NLRP14: variants seen among roughly 807,000 people sequenced by gnomAD.
The protein encoded by NLRP14 is NACHT, LRR and PYD domains-containing protein 14.
Under a neutral mutation model 94.7 loss-of-function variants are expected in NLRP14, and 105 were observed. The ratio of observed to expected loss-of-function variants is 1.11; its 90% CI spans 0.95 to 1.30. NLRP14 has a LOEUF of 1.30. NLRP14 is among the 50% of genes most tolerant of loss of function. The probability of loss-of-function intolerance (pLI) is 0.00; values close to 1 mark genes in which losing one functional copy is unlikely to be tolerated. For synonymous variants in NLRP14, 508 were observed against 459.9 expected, an observed-to-expected ratio of 1.10 and a Z score of -1.34; for missense variants, 1,362 against 1,254.1, an observed-to-expected ratio of 1.09 and a Z score of -1.30.
the NLRP14 span, chr11:7,089,191 T>G: frequency 1.2e-6 from 2 of 1,613,898 alleles, no homozygotes; most frequent in Non-Finnish European, 1.7e-6. Flanking sequence ...GAGAAAGCCC[T>G]CGAAGCCGAG....
rs757452487 is a variant in NLRP14, at chr11:7,062,435, G to A, written c.2907G>A (p.Leu969=). 1 of 1,613,274 alleles carries A rather than the reference G, an allele frequency of 6.2e-7. No individual in the cohort carries two copies. Among genetic ancestry groups the A allele is most frequent in the Non-Finnish European group, 8.5e-7 (1 of 1,179,412 alleles). ...LRSLDLGNND[L]QDDGVKILCD... ...GCCTGGACCTTGGGAACAACGATTT[G>A]CAGGATGATGGAGTGAAAATTCTGT... The change falls in exon 10 of 12, where the codon TTG becomes TTA. Residue 969 remains leucine (L), a synonymous_variant. Coordinates refer to ENST00000299481, the MANE Select transcript of NLRP14 (RefSeq NM_176822.4).
In NLRP14 at chr11:7,043,501, A is replaced by G. The variant is rs199812247; in HGVS notation, c.1475A>G (p.Tyr492Cys). Residue 492 changes from tyrosine to cysteine, a missense_variant, in exon 4 of 12, where the codon TAT (tyrosine) becomes TGT (cysteine). Physicochemically the swap from Tyr to Cys is radical, Grantham distance 194. Transcript: ENST00000299481. ...HVQEFFAAMF[Y>C]MLKGSWEAGN... ...CAGGAGTTTTTTGCAGCTATGTTCTATATGTTGAAAGGCAGTTGGGAAGCT... is the reference window on the plus strand; with the variant it reads ...CAGGAGTTTTTTGCAGCTATGTTCTGTATGTTGAAAGGCAGTTGGGAAGCT... The G allele has an allele frequency of 1.5e-5, 25 of 1,614,018 alleles. No homozygotes were observed. Among genetic ancestry groups the G allele is most frequent in the Non-Finnish European group, 1.9e-5 (23 of 1,180,040 alleles).
At chr11:7,031,896 C>T (rs1852103442) in intron 1 of NLRP14, among the ~76,000 whole-genome samples, 1 of 152,192 alleles carries the variant, frequency 6.6e-6, no homozygotes, top group South Asian at 2.1e-4. Context: ...AGTAAGGTAG[C>T]ACATGCTTGC....
chr11:7,067,990 C>T (rs1852731464), intron 10 of NLRP14, among the ~76,000 whole-genome samples: 1 of 151,680 alleles, frequency 6.6e-6, no homozygotes, highest in African/African-American at 2.4e-5. Context: ...TAGGTTTTCT[C>T]TTTCTCATAG....
the NLRP14 span, among the ~76,000 whole-genome samples, chr11:7,080,694 T>G: frequency 1.3e-5 from 2 of 152,182 alleles, no homozygotes; most frequent in African/African-American, 2.4e-5. Flanking sequence ...ATTCAAATGT[T>G]ATATGTTAAA....
chr11:7,039,310 A>G (rs1195479009), intron 2 of NLRP14, among the ~76,000 whole-genome samples: 1 of 152,126 alleles, frequency 6.6e-6, no homozygotes, highest in Non-Finnish European at 1.5e-5. Flanking sequence ...CAGGTATGAA[A>G]TATTATAGAC....
chr11:7,058,446 C>T lies in NLRP14; in HGVS notation c.2629C>T (p.Leu877Phe). ...LQHAQCTLKS[L>F]VLRRCHFTSL... ...ACATGCACAATGTACTCTGAAGAGC[C>T]TTGTGTAAGTGTCTTCAAGTTTTTA... Residue 877 changes from leucine (L) to phenylalanine (F), a missense_variant, in exon 8 of 12, where the codon CTT becomes TTT. Transcript: ENST00000299481. 1 of 1,608,800 alleles carries T rather than the reference C, an allele frequency of 6.2e-7. No homozygotes were observed.
At chr11:7,051,842 C>T (rs888192077) in intron 6 of NLRP14, among the ~76,000 whole-genome samples, 6 of 152,112 alleles carry the variant, frequency 3.9e-5, no homozygotes, top group African/African-American at 1.2e-4. Context: ...AGGATGGTCT[C>T]GATCTCCTGA....
the NLRP14 span, among the ~76,000 whole-genome samples, chr11:7,080,723 T>C: frequency 1.3e-5 from 2 of 152,042 alleles, no homozygotes; most frequent in Non-Finnish European, 1.5e-5. Flanking sequence ...AAAAGCAAAA[T>C]AATATTTATC....
intron 1 of NLRP14, among the ~76,000 whole-genome samples, chr11:7,032,457 G>T (rs924229677): frequency 2.0e-5 from 3 of 151,748 alleles, no homozygotes; most frequent in Middle Eastern, 3.2e-3. Context: ...TTTTTCAGTG[G>T]ATGATTTCCC....
At chr11:7,057,649 A>G (rs1054449261) in intron 6 of NLRP14, 28 bp from the exon 7 acceptor site, 1 of 1,606,676 alleles carries the variant, frequency 6.2e-7, no homozygotes, top group Non-Finnish European at 8.5e-7. Flanking sequence ...AGGAGTGGTC[A>G]TTCCTGCTTT....
At position 7,043,365 on chromosome 11, in the gene NLRP14, C is replaced by G. The variant is rs1852296512; in HGVS notation, c.1339C>G (p.Leu447Val). The G allele has an allele frequency of 2.5e-6, 4 of 1,614,162 alleles. No individual in the cohort carries two copies. Among genetic ancestry groups the G allele is most frequent in the Non-Finnish European group, 3.4e-6 (4 of 1,180,036 alleles). Residue 447 changes from leucine to valine, a missense_variant, in exon 4 of 12, where the codon CTC becomes GTC. Physicochemically the swap from Leu to Val is conservative, Grantham distance 32 (BLOSUM62 1). Transcript: ENST00000299481. ...GACTTACGTGTTTTACAGAGAAAAT[C>G]TCAGAAGGCTTGGGTTAACTCAATC... ...TMTYVFYRENLRRLGLTQSDV... is the reference protein window; with the variant it reads ...TMTYVFYRENVRRLGLTQSDV...
rs114705013 is a variant in NLRP14 at position 7,060,524 on chromosome 11, G to A, written c.2804+460G>A. Among the ~76,000 whole-genome samples the A allele has an allele frequency of 1.5e-3, 221 of 151,848 alleles. 2 individuals are homozygous for A. Among genetic ancestry groups the A allele is most frequent in the African/African-American group, 5.2e-3 (217 of 41,418 alleles). On this transcript the variant is annotated intron_variant, in intron 9 of 11. Coordinates refer to ENST00000299481, the MANE Select transcript of NLRP14 (RefSeq NM_176822.4). ...CAGTAGCCATTTTATTCTTTCCTTG[G>A]TTGTGTCCTAGTGAATCTACTGTGT...
intron 10 of NLRP14, among the ~76,000 whole-genome samples, chr11:7,067,612 A>G (rs1852723731): frequency 6.6e-6 from 1 of 152,186 alleles, no homozygotes; most frequent in African/African-American, 2.4e-5. Context: ...GATGAATCAC[A>G]TCGATATAAT....
In NLRP14 at chr11:7,043,116, A is replaced by G; in HGVS notation, c.1090A>G (p.Ser364Gly). 6.2e-7 allele frequency: 1 copy of G among 1,614,218 alleles called. No individual in the cohort carries two copies. The highest frequency in any genetic ancestry group is 8.5e-7 in the Non-Finnish European group (1 of 1,180,036). ...ACTAAAAAGCAATGAGATGCTGTTT[A>G]GCATGTGCCAAGTCCCCCTAGTGTG... ...SSLKSNEMLF[S>G]MCQVPLVCWA... is the part of the protein sequence containing the mutation. Residue 364 changes from serine (S) to glycine (G), a missense_variant, in exon 4 of 12, where the codon AGC becomes GGC. Ser to Gly is a moderately conservative substitution (Grantham distance 56, BLOSUM62 0). Transcript: ENST00000299481.
At chr11:7,031,741 G>A (rs564146419) in intron 1 of NLRP14, among the ~76,000 whole-genome samples, 1 of 152,198 alleles carries the variant, frequency 6.6e-6, no homozygotes, top group African/African-American at 2.4e-5. Flanking sequence ...CATTCACTCT[G>A]AGTCTTCCCC....
chr11:7,054,816 C>T (rs1197547148), intron 6 of NLRP14, among the ~76,000 whole-genome samples: 1 of 152,016 alleles, frequency 6.6e-6, no homozygotes, highest in Admixed American at 6.6e-5. Context: ...GCTATGATCC[C>T]ATTTGTCCAT....
chr11:7,032,174 C>G (rs1852108508), intron 1 of NLRP14, among the ~76,000 whole-genome samples: 1 of 152,140 alleles, frequency 6.6e-6, no homozygotes, highest in Admixed American at 6.5e-5. Context: ...TTGTCCTAAA[C>G]TCAGTTGTGT....
the NLRP14 span, among the ~76,000 whole-genome samples, chr11:7,078,354 C>T: frequency 0.63 from 91,664 of 145,950 alleles, 28,807 homozygotes; most frequent in East Asian, 0.79. Context: ...AGGAGAATGG[C>T]TTGAACCTGG....
Sources: gnomAD v4.1 joint callset for allele counts (sites outside exome capture counted in the v4.1 genomes callset) on GRCh38, gnomAD v4.1.1 for gene constraint, MANE v1.5 for transcripts, NCBI Gene and HGNC (gene_info 2026-07-23, HGNC 2026-07-21) for gene names.